The following INSL6 variants were observed in gnomAD, a reference collection of about 807,000 sequenced individuals.
The protein encoded by INSL6 is insulin-like peptide INSL6.
A neutral mutation model predicts 9.4 loss-of-function variants in INSL6; 16 were observed. The observed-to-expected ratio is 1.70, with a 90% CI of 1.15 to 2.59. The LOEUF is 2.59. Ranked by LOEUF, INSL6 falls within the 30% of genes most tolerant of loss-of-function variation. The probability of loss-of-function intolerance (pLI) is 0.00; values close to 1 mark genes in which losing one functional copy is unlikely to be tolerated. For synonymous variants in INSL6, 154 were observed against 96.9 expected (o/e 1.59, Z -3.46); for missense variants, 391 against 257.3 (o/e 1.52, Z -3.56).
At chr9:5,141,188 T>C (rs1227082561) in intron 2 of INSL6, among the ~76,000 whole-genome samples, 3 of 152,288 alleles carry the variant, frequency 2.0e-5, no homozygotes, top group East Asian at 1.9e-4. Context: ...GTCTTTATAA[T>C]AGAATGATTT....
At chr9:5,079,261 A>C in the INSL6 span, among the ~76,000 whole-genome samples, 8 of 150,366 alleles carry the variant, frequency 5.3e-5, no homozygotes, top group African/African-American at 2.0e-4. Flanking sequence ...TCATATGGTG[A>C]AGGTATTTGT....
chr9:5,090,650 A>G, the INSL6 span: 151 of 1,512,528 alleles, frequency 1.0e-4, no homozygotes, highest in South Asian at 4.7e-4. Flanking sequence ...AGACGTTTTC[A>G]TAGATAATAA....
chr9:5,045,395 TA>T, the INSL6 span, among the ~76,000 whole-genome samples: 6 of 152,196 alleles, frequency 3.9e-5, no homozygotes, highest in African/African-American at 1.4e-4. Flanking sequence ...CAACAAACTT[TA>T]TTTTTATTGT....
At chr9:5,137,537 T>G in intron 2 of INSL6, among the ~76,000 whole-genome samples, 1 of 152,200 alleles carries the variant, frequency 6.6e-6, no homozygotes, top group East Asian at 1.9e-4. Context: ...GCTAGCCATA[T>G]GCAGAAAGCT....
chr9:5,153,531 G>A (rs1173838806), intron 2 of INSL6, among the ~76,000 whole-genome samples: 1 of 152,222 alleles, frequency 6.6e-6, no homozygotes, highest in Non-Finnish European at 1.5e-5. Context: ...AAAAGAGGAA[G>A]TCAAATTGTC....
intron 2 of INSL6, among the ~76,000 whole-genome samples, chr9:5,150,775 G>A (rs1229176019): frequency 1.3e-5 from 2 of 151,146 alleles, no homozygotes; most frequent in Non-Finnish European, 2.9e-5. Flanking sequence ...CATGTTTAAA[G>A]GACCACTCTT....
At chr9:5,005,463 G>A in the INSL6 span, among the ~76,000 whole-genome samples, 1 of 151,848 alleles carries the variant, frequency 6.6e-6, no homozygotes, top group African/African-American at 2.4e-5. Flanking sequence ...TTTTAAATCT[G>A]GTATAATGAT....
At chr9:5,036,826 CA>C in the INSL6 span, among the ~76,000 whole-genome samples, 28 of 152,002 alleles carry the variant, frequency 1.8e-4, no homozygotes, top group East Asian at 4.3e-3. Context: ...TCTAAAACAC[CA>C]AAAGCAATGG....
rs556552344 is a variant in INSL6 at position 5,126,803 on chromosome 9, T to G, written c.*11-2292A>C. On this transcript the variant is annotated intron_variant, in intron 3 of 3. Transcript: ENST00000649639. Reference sequence around the variant, plus strand: ...ACATGGCTGGATGAAAGAAATGACCTTCATTCTGAGACCAAAGTAGATTTA... The same window carrying G: ...ACATGGCTGGATGAAAGAAATGACCGTCATTCTGAGACCAAAGTAGATTTA... The G allele has an allele frequency of 4.5e-6, 7 of 1,548,528 alleles. No homozygotes were observed. In the African/African-American group the frequency reaches 8.2e-5, roughly 18 times the overall value.
downstream of INSL6, among the ~76,000 whole-genome samples, chr9:5,163,566 A>G (rs1284009613): frequency 2.6e-5 from 4 of 152,194 alleles, no homozygotes; most frequent in Admixed American, 2.6e-4. Context: ...AGTCATGGGC[A>G]TCAGTTTGTG....
chr9:5,103,688 G>A, the INSL6 span, among the ~76,000 whole-genome samples: 3 of 152,064 alleles, frequency 2.0e-5, no homozygotes, highest in Admixed American at 6.5e-5. Flanking sequence ...CTCACCAAAC[G>A]TAAAAGAACA....
intron 1 of INSL6, among the ~76,000 whole-genome samples, chr9:5,164,495 AT>A (rs1825005422): frequency 6.6e-6 from 1 of 152,260 alleles, no homozygotes; most frequent in Non-Finnish European, 1.5e-5. Flanking sequence ...AATTTGAGAT[AT>A]CATTCACATG....
At chr9:5,009,987 AGTCTTGAGCTCCAG>A in the INSL6 span, among the ~76,000 whole-genome samples, 4 of 152,174 alleles carry the variant, frequency 2.6e-5, no homozygotes, top group African/African-American at 9.7e-5. Context: ...TGCCGGGGCT[AGTCTTGAGCTCCAG>A]GCTCAAACGA....
chr9:5,098,033 T>C, the INSL6 span: 1 of 152,168 alleles, frequency 6.6e-6, no homozygotes, highest in Non-Finnish European at 1.5e-5. Flanking sequence ...CTTAGGCTCA[T>C]TTATCTCATT....
the INSL6 span, among the ~76,000 whole-genome samples, chr9:5,082,593 T>C: frequency 7.9e-5 from 12 of 152,206 alleles, no homozygotes; most frequent in Admixed American, 7.2e-4. Flanking sequence ...TCACGGATGT[T>C]GGGCTGGGGG....
At chr9:5,069,966 G>A in the INSL6 span, 2 of 1,606,782 alleles carry the variant, frequency 1.2e-6, no homozygotes, top group Admixed American at 1.7e-5. Context: ...TGGTGTTTCT[G>A]ATGTACCAAC....
the INSL6 span, among the ~76,000 whole-genome samples, chr9:5,033,555 T>G: frequency 6.6e-6 from 1 of 152,178 alleles, no homozygotes; most frequent in South Asian, 2.1e-4. Flanking sequence ...GCAGAAACTC[T>G]ACAAGCCAGA....
the INSL6 span, among the ~76,000 whole-genome samples, chr9:5,063,308 A>G: frequency 1.3e-5 from 2 of 152,200 alleles, no homozygotes; most frequent in Admixed American, 6.5e-5. Context: ...GGACTTCTCA[A>G]TACAAAATTT....
the INSL6 span, chr9:5,073,795 A>G: frequency 6.5e-7 from 1 of 1,549,914 alleles, no homozygotes; most frequent in African/African-American, 1.4e-5. Context: ...AGTAAGTAAA[A>G]CTACAGGCTT....
Sources: allele counts gnomAD v4.1 joint callset (sites outside exome capture counted in the v4.1 genomes callset), GRCh38; gene constraint gnomAD v4.1.1; transcripts MANE v1.5; gene names NCBI Gene and HGNC (gene_info 2026-07-23, HGNC 2026-07-21).